TMEM108: variants seen among roughly 807,000 people sequenced by gnomAD.
TMEM108 encodes the protein transmembrane protein 108.
Under a neutral mutation model 35.1 loss-of-function variants are expected in TMEM108, and 12 were observed. The observed-to-expected ratio is 0.34, with a 90% confidence interval of 0.22 to 0.55. TMEM108 has a LOEUF of 0.55. Among genes scored for constraint, TMEM108 ranks in the 20% least tolerant of loss-of-function variants. TMEM108 has a pLI of 0.89. For missense variants in TMEM108, 680 were observed against 753.3 expected, an observed-to-expected ratio of 0.90 and a Z score of 1.14; for synonymous variants, 287 against 308.6, an observed-to-expected ratio of 0.93 and a Z score of 0.73.
chr3:133,257,018 T>C (rs1452384306), intron 3 of TMEM108: 3 of 152,242 alleles, frequency 2.0e-5, no homozygotes, highest in East Asian at 1.9e-4. Flanking sequence ...ACAGTGCCTG[T>C]ACTTACCATC....
chr3:133,071,788 A>T (rs925059074), intron 2 of TMEM108, among the ~76,000 whole-genome samples: 27 of 151,960 alleles, frequency 1.8e-4, no homozygotes, highest in African/African-American at 6.0e-4. Context: ...TCTATAGGTT[A>T]TTTTTTCACT....
intron 2 of TMEM108, among the ~76,000 whole-genome samples, chr3:133,070,560 A>G (rs57676344): frequency 0.071 from 10,818 of 152,182 alleles, 1,318 homozygotes; most frequent in African/African-American, 0.25. Context: ...GAAACACATA[A>G]TAATCCCTGA....
chr3:133,363,298 A>T (rs2072409505), intron 3 of TMEM108, among the ~76,000 whole-genome samples: 1 of 152,102 alleles, frequency 6.6e-6, no homozygotes, highest in Non-Finnish European at 1.5e-5. Context: ...GGGACCCAAC[A>T]GTCTGTAGTT....
chr3:133,060,773 T>C (rs754819688), intron 2 of TMEM108, among the ~76,000 whole-genome samples: 3 of 152,210 alleles, frequency 2.0e-5, no homozygotes, highest in Admixed American at 6.5e-5. Context: ...ATTCAGCTTC[T>C]AGTATTTGTC....
rs369228472 is a variant in TMEM108 at position 133,181,008 on chromosome 3, T to TAAAAAAAAAAAAAA, written c.-46-48241_-46-48228dup. On this transcript the variant is annotated intron_variant, in intron 2 of 5. Coordinates refer to ENST00000321871, the MANE Select transcript of TMEM108 (RefSeq NM_023943.4). ...TGTACTGGCTATTGGGCAGTTGTGT[T>TAAAAAAAAAAAAAA]AAAAAAAAAAAAAAAAAAAAAAAAA... Among the ~76,000 whole-genome samples the TAAAAAAAAAAAAAA allele has an allele frequency of 4.1e-3, 308 of 75,834 alleles. 30 individuals carry two copies. Among genetic ancestry groups the TAAAAAAAAAAAAAA allele is most frequent in the Non-Finnish European group, 5.8e-3 (234 of 40,158 alleles). 49.8% of individuals were successfully genotyped at this position (75,834 alleles called of 152,430 possible).
chr3:133,136,228 T>G (rs1225606551), intron 2 of TMEM108, among the ~76,000 whole-genome samples: 2 of 152,262 alleles, frequency 1.3e-5, no homozygotes, highest in Middle Eastern at 3.2e-3. Context: ...TGCTCTTGAC[T>G]GGTAGGACCT....
chr3:133,177,892 A>C (rs1945261990), intron 2 of TMEM108, among the ~76,000 whole-genome samples: 1 of 152,214 alleles, frequency 6.6e-6, no homozygotes, highest in Admixed American at 6.5e-5. Flanking sequence ...TGCAGATGAC[A>C]TGATTGTATA....
intron 2 of TMEM108, among the ~76,000 whole-genome samples, chr3:133,050,809 A>G (rs756234456): frequency 1.3e-5 from 2 of 151,908 alleles, no homozygotes; most frequent in Non-Finnish European, 2.9e-5. Flanking sequence ...TCAACATGTA[A>G]GTTTCCTCTA....
chr3:133,346,009 G>A lies in TMEM108; in HGVS notation c.41-33743G>A, dbSNP rs939127906. 1.3e-5 allele frequency among the ~76,000 whole-genome samples: 2 copies of A among 151,878 alleles called. No homozygotes were observed. Among genetic ancestry groups the A allele is most frequent in the African/African-American group, 2.4e-5 (1 of 41,400 alleles). On this transcript the variant is annotated intron_variant, in intron 3 of 5. Coordinates refer to ENST00000321871, the MANE Select transcript of TMEM108 (RefSeq NM_023943.4). The surrounding 1 kb of genome is among the most constrained non-coding windows in gnomAD (Gnocchi z 4.0). ...CTGAATAATATTTCATCATACGGAT[G>A]TACCACAGTTTCTGTGTTCGTTCAC... is the stretch of plus-strand genomic sequence containing the variant.
chr3:133,095,171 TAGC>T (rs1388813214), intron 2 of TMEM108, among the ~76,000 whole-genome samples: 1 of 152,192 alleles, frequency 6.6e-6, no homozygotes, highest in East Asian at 1.9e-4. Context: ...TGTGTCTTAA[TAGC>T]AGATCCAAAG....
intron 2 of TMEM108, among the ~76,000 whole-genome samples, chr3:133,048,708 T>C (rs1943368187): frequency 6.6e-6 from 1 of 152,240 alleles, no homozygotes; most frequent in South Asian, 2.1e-4. Flanking sequence ...GAAGCCATCA[T>C]GTATAGCCTT....
At position 133,241,758 on chromosome 3, in the gene TMEM108, G is replaced by A. The variant is rs550584615; in HGVS notation, c.40+12407G>A. Among the ~76,000 whole-genome samples the A allele has an allele frequency of 2.0e-5, 3 of 151,968 alleles. No individual in the cohort carries two copies. The South Asian group carries it at 6.2e-4, about 32-fold the overall frequency. ...GCCTCCCAAGTAGCTGGGATTACAG[G>A]TGCACGCCACCACGCCCAGCTAATT... On this transcript the variant is annotated intron_variant, in intron 3 of 5. Transcript: ENST00000321871.
intron 5 of TMEM108, among the ~76,000 whole-genome samples, chr3:133,391,253 A>G (rs1478069075): frequency 6.6e-6 from 1 of 152,186 alleles, no homozygotes; most frequent in Non-Finnish European, 1.5e-5. Context: ...GGATGAGTAA[A>G]TAGATGGAAT....
chr3:133,374,443 C>A (rs1006301736), intron 3 of TMEM108, among the ~76,000 whole-genome samples: 1 of 151,598 alleles, frequency 6.6e-6, no homozygotes, highest in Non-Finnish European at 1.5e-5. Flanking sequence ...AGATAAAATT[C>A]TATTTTTATG....
chr3:133,057,431 GTGTGTATATATATATA>G (rs1480548899), intron 2 of TMEM108, among the ~76,000 whole-genome samples: 500 of 42,394 alleles, frequency 0.012, 10 homozygotes, highest in Middle Eastern at 0.042. Context: ...TTGTGTGTGT[GTGTGTATATATATATA>G]TATATATATA....
chr3:133,163,566 G>T (rs1166812909), intron 2 of TMEM108, among the ~76,000 whole-genome samples: 1 of 152,124 alleles, frequency 6.6e-6, no homozygotes, highest in South Asian at 2.1e-4. Flanking sequence ...CCCTAGCCAG[G>T]CTAGTGGGGA....
Position 133,380,389 on chromosome 3 carries a change from G to A in TMEM108, c.678G>A (p.Gly226=). Residue 226 remains glycine (G), a synonymous_variant, in exon 4 of 6, where the codon GGG becomes GGA. Coordinates refer to ENST00000321871, the MANE Select transcript of TMEM108 (RefSeq NM_023943.4). This position sits in a 1 kb window ranked among gnomAD's most constrained non-coding sequence, Gnocchi z 5.3. ...AGATCTACAAGGGCAACTTCACAGG[G>A]TCTGTGGAACCGGAGCCCTCTACCC... The part of the protein sequence containing the change: ...IFQIYKGNFT[G]SVEPEPSTLT... 6.2e-7 allele frequency: 1 copy of A among 1,613,718 alleles called. No individual in the cohort carries two copies. The highest frequency in any genetic ancestry group is 8.5e-7 in the Non-Finnish European group (1 of 1,179,792).
chr3:133,204,914 C>T (rs1038549179), intron 2 of TMEM108, among the ~76,000 whole-genome samples: 1 of 152,206 alleles, frequency 6.6e-6, no homozygotes, highest in African/African-American at 2.4e-5. Context: ...TAAAGTCTCC[C>T]GCTATTATTT....
intron 2 of TMEM108, among the ~76,000 whole-genome samples, chr3:133,181,307 C>A (rs931746868): frequency 6.6e-6 from 1 of 152,090 alleles, no homozygotes; most frequent in Non-Finnish European, 1.5e-5. Flanking sequence ...CTCCAGATTT[C>A]TACATTTATC....
Sources: gnomAD v4.1 joint callset for allele counts (sites outside exome capture counted in the v4.1 genomes callset) on GRCh38, gnomAD v4.1.1 for gene constraint, Gnocchi (gnomAD v3.1) non-coding constraint, MANE v1.5 for transcripts, NCBI Gene and HGNC (gene_info 2026-07-23, HGNC 2026-07-21) for gene names.